The following GARRE1 variants were observed in gnomAD, a reference collection of about 807,000 sequenced individuals.
GARRE1 encodes the protein granule associated Rac and RHOG effector 1, also known as granule associated Rac and RHOG effector protein 1.
GARRE1 carries 49 observed loss-of-function variants against 103.2 expected under a neutral mutation model. That is an observed-to-expected ratio of 0.47 (90% CI 0.38 to 0.60). The LOEUF is 0.60. Ranked by LOEUF, GARRE1 falls within the 20% of genes least tolerant of loss-of-function variation. The probability of loss-of-function intolerance (pLI) is 0.00; values close to 1 mark genes in which losing one functional copy is unlikely to be tolerated. For synonymous variants in GARRE1, 505 were observed against 532.8 expected, an observed-to-expected ratio of 0.95 and a Z score of 0.72; for missense variants, 1,199 against 1,370.5, an observed-to-expected ratio of 0.87 and a Z score of 1.98.
intron 1 of GARRE1, among the ~76,000 whole-genome samples, chr19:34,279,854 G>A (rs371739847): frequency 3.3e-4 from 50 of 150,626 alleles, no homozygotes; most frequent in South Asian, 2.3e-3. Context: ...GCGTAGTGGC[G>A]GGCGCCTGTA....
chr19:34,281,937 A>G (rs1334268952), intron 1 of GARRE1, among the ~76,000 whole-genome samples: 1 of 152,208 alleles, frequency 6.6e-6, no homozygotes, highest in Non-Finnish European at 1.5e-5. Flanking sequence ...GTTCTTCTCT[A>G]TACGTTGTAG....
At position 34,296,150 on chromosome 19, in the gene GARRE1, C is replaced by T. The variant is rs1333798318; in HGVS notation, c.-795-3529C>T. The T allele has an allele frequency of 3.3e-5, 8 of 242,380 alleles. 1 individual carries two copies. Among genetic ancestry groups the T allele is most frequent in the African/African-American group, 8.2e-5 (1 of 12,260 alleles). 15.0% of individuals were successfully genotyped at this position (242,380 alleles called of 1,614,324 possible). A position where few individuals can be genotyped will look rare whatever the true frequency, so the allele number is the denominator to read the frequency against. On this transcript the variant is annotated intron_variant, in intron 1 of 13. Transcript: ENST00000299505. Reference sequence around the variant, plus strand: ...TTTGTTTTAGTCATCCTGGATCCCTCGCTTTTTTTTTTTCTTGCGTCAGTT... The same window carrying T: ...TTTGTTTTAGTCATCCTGGATCCCTTGCTTTTTTTTTTTCTTGCGTCAGTT...
At chr19:34,335,973 T>C (rs1254459273) in intron 8 of GARRE1, among the ~76,000 whole-genome samples, 1 of 152,000 alleles carries the variant, frequency 6.6e-6, no homozygotes, top group Non-Finnish European at 1.5e-5. Flanking sequence ...AGTTCTTTTA[T>C]TTTTTTAAAT....
chr19:34,284,286 G>A lies in GARRE1; in HGVS notation c.-795-15393G>A, dbSNP rs541634339. ...ATTACCGGCATGTGCTACCACGCTC[G>A]GCTAATTTTTGTATTTTTAGTAGAG... On this transcript the variant is annotated intron_variant, in intron 1 of 13. Coordinates refer to ENST00000299505, the MANE Select transcript of GARRE1 (RefSeq NM_014686.5). 1.6e-4 allele frequency among the ~76,000 whole-genome samples: 25 copies of A among 151,910 alleles called. No homozygotes were observed. The East Asian group carries it at 4.1e-3, about 25-fold the overall frequency.
At chr19:34,340,341 A>AT (rs954784486) in intron 9 of GARRE1, among the ~76,000 whole-genome samples, 4 of 152,018 alleles carry the variant, frequency 2.6e-5, no homozygotes, top group African/African-American at 9.7e-5. Context: ...GTCTTTTAGA[A>AT]TTTTTTTTCT....
chr19:34,312,841 C>T (rs1311161693), intron 2 of GARRE1, among the ~76,000 whole-genome samples: 1 of 152,112 alleles, frequency 6.6e-6, no homozygotes, highest in African/African-American at 2.4e-5. Flanking sequence ...GCAGGAGAAT[C>T]GCTTGAACCT....
Position 34,353,014 on chromosome 19 carries a change from G to A in GARRE1, c.*59G>A, listed in dbSNP as rs1194183788. On this transcript the variant is annotated 3_prime_UTR_variant, in exon 14 of 14. Coordinates refer to ENST00000299505, the MANE Select transcript of GARRE1 (RefSeq NM_014686.5). ...TGCCCGCCCAGAGCTGTGGGGATGA[G>A]TGTCCCCACCCCAGGGCCACTTAGC... 5.0e-6 allele frequency: 7 copies of A among 1,412,772 alleles called. No individual in the cohort carries two copies. In the Middle Eastern group the frequency reaches 7.6e-4, roughly 153 times the overall value. 87.5% of individuals were successfully genotyped at this position (1,412,772 alleles called of 1,614,324 possible).
At chr19:34,321,843 T>C (rs1381751652) in intron 3 of GARRE1, among the ~76,000 whole-genome samples, 2 of 152,192 alleles carry the variant, frequency 1.3e-5, no homozygotes, top group Non-Finnish European at 2.9e-5. Flanking sequence ...TTATAAAATC[T>C]AGCCATCATG....
rs111998936 is a variant in GARRE1, at chr19:34,270,973, A to G, written c.-796+16359A>G. Among the ~76,000 whole-genome samples, 1,238 of 152,276 alleles carry G rather than the reference A, an allele frequency of 8.1e-3. 7 individuals carry two copies. Among genetic ancestry groups the G allele is most frequent in the African/African-American group, 0.028 (1,147 of 41,550 alleles). On this transcript the variant is annotated intron_variant, in intron 1 of 13. Transcript: ENST00000299505. ...ACTTGCCCAGGGTGACAACCAAAAC[A>G]TCTCTAGACATTGCCAGATGTTGGT...
At chr19:34,262,153 TTTTGTA>T (rs1197144868) in intron 1 of GARRE1, among the ~76,000 whole-genome samples, 1 of 151,862 alleles carries the variant, frequency 6.6e-6, no homozygotes, top group Non-Finnish European at 1.5e-5. Context: ...CCTGGCTAAT[TTTTGTA>T]TTTGTAATAG....
intron 13 of GARRE1, 37 bp from the exon 14 acceptor site, chr19:34,352,610 C>T: frequency 6.4e-7 from 1 of 1,554,218 alleles, no homozygotes; most frequent in Non-Finnish European, 8.8e-7. Flanking sequence ...TGATACATTG[C>T]CCGAAATGCC....
intron 10 of GARRE1, among the ~76,000 whole-genome samples, chr19:34,347,310 T>C (rs1378157819): frequency 6.6e-6 from 1 of 151,586 alleles, no homozygotes; most frequent in Non-Finnish European, 1.5e-5. Flanking sequence ...CAGACTGGTC[T>C]TGAACTCTTG....
At chr19:34,331,206 A>C (rs551874412) in intron 7 of GARRE1, among the ~76,000 whole-genome samples, 56 of 151,228 alleles carry the variant, frequency 3.7e-4, no homozygotes, top group African/African-American at 1.3e-3. Flanking sequence ...GCCCTTAAAA[A>C]AAAAAGAAAA....
Position 34,352,633 on chromosome 19 carries a change from C to A in GARRE1, c.2905-14C>A. On this transcript the variant is annotated splice_polypyrimidine_tract_variant and intron_variant, in intron 13 of 13. Transcript: ENST00000299505. ...TGCCCGAAATGCCACTAAGAACTCT[C>A]TTTTGTTTCTCAGGATAACAAAACC... The A allele has an allele frequency of 1.9e-6, 3 of 1,601,696 alleles. No individual in the cohort carries two copies. Among genetic ancestry groups the A allele is most frequent in the South Asian group, 2.2e-5 (2 of 90,666 alleles).
chr19:34,263,860 A>G (rs1188770664), intron 1 of GARRE1, among the ~76,000 whole-genome samples: 1 of 152,160 alleles, frequency 6.6e-6, no homozygotes, highest in African/African-American at 2.4e-5. Context: ...GAGTGAATGT[A>G]GCATGGAGGT....
chr19:34,270,248 A>G lies in GARRE1; in HGVS notation c.-796+15634A>G, dbSNP rs1052199083. Among the ~76,000 whole-genome samples the G allele has an allele frequency of 3.9e-5, 6 of 152,172 alleles. No homozygotes were observed. The East Asian group carries it at 1.2e-3, about 29-fold the overall frequency. The stretch of plus-strand genomic sequence containing the variant: ...GCCTGAGCCATTTAAGGCATTTTCC[A>G]CCTTAATCTTTTCACTACCTTCTTC... On this transcript the variant is annotated intron_variant, in intron 1 of 13. Coordinates refer to ENST00000299505, the MANE Select transcript of GARRE1 (RefSeq NM_014686.5).
chr19:34,336,496 T>C (rs2074161759), intron 8 of GARRE1, among the ~76,000 whole-genome samples: 1 of 150,506 alleles, frequency 6.6e-6, no homozygotes, highest in African/African-American at 2.4e-5. Flanking sequence ...TGAGATAGTT[T>C]CGTTCTTGTT....
At chr19:34,344,219 A>G (rs181923127) in intron 10 of GARRE1, among the ~76,000 whole-genome samples, 31 of 152,364 alleles carry the variant, frequency 2.0e-4, no homozygotes, top group Non-Finnish European at 3.5e-4. Flanking sequence ...TAGAAAATGT[A>G]TTTCATTCAC....
At chr19:34,313,648 G>A (rs183416857) in intron 2 of GARRE1, among the ~76,000 whole-genome samples, 2 of 152,294 alleles carry the variant, frequency 1.3e-5, no homozygotes, top group Admixed American at 6.5e-5. Context: ...TATTCTTGAT[G>A]GAAGTGACAA....
Sources: gnomAD v4.1 joint callset for allele counts (sites outside exome capture counted in the v4.1 genomes callset) on GRCh38, gnomAD v4.1.1 for gene constraint, MANE v1.5 for transcripts, NCBI Gene and HGNC (gene_info 2026-07-23, HGNC 2026-07-21) for gene names.